Variants in NCAPD2 observed in about 807,000 individuals in gnomAD.
NCAPD2 encodes non-SMC condensin I complex subunit D2, also known as condensin complex subunit 1.
Under a neutral mutation model 164.5 loss-of-function variants are expected in NCAPD2, and 100 were observed. The observed-to-expected ratio is 0.61, with a 90% CI of 0.52 to 0.72. The LOEUF is 0.72. Ranked by LOEUF, NCAPD2 falls within the 30% of genes least tolerant of loss-of-function variation. The pLI is 0.00. For missense variants in NCAPD2, 1,560 were observed against 1,749.2 expected, an observed-to-expected ratio of 0.89 and a Z score of 1.93; for synonymous variants, 585 against 642.6, an observed-to-expected ratio of 0.91 and a Z score of 1.36.
In NCAPD2 at chr12:6,531,223, A is replaced by T; in HGVS notation, c.4121-104A>T. On this transcript the variant is annotated intron_variant, in intron 31 of 31. Coordinates refer to ENST00000315579, the MANE Select transcript of NCAPD2 (RefSeq NM_014865.4). This position sits in a 1 kb window ranked among gnomAD's most constrained non-coding sequence, Gnocchi z 4.1. ...GCCTCTCCTGTACAGCTTGGATTTT[A>T]TTTCTTCTGTGCGGTGTGGGATTGT... is the stretch of plus-strand genomic sequence containing the variant. 6.7e-7 allele frequency: 1 copy of T among 1,481,766 alleles called. No homozygotes were observed. The highest frequency in any genetic ancestry group is 9.3e-7 in the Non-Finnish European group (1 of 1,079,638). 91.8% of individuals were successfully genotyped at this position (1,481,766 alleles called of 1,614,324 possible).
intron 2 of NCAPD2, among the ~76,000 whole-genome samples, chr12:6,507,927 C>G (rs979138774): frequency 6.6e-6 from 1 of 152,048 alleles, no homozygotes; most frequent in Non-Finnish European, 1.5e-5. Context: ...GAAGAGAAAC[C>G]TCATCATATC....
intron 17 of NCAPD2, 109 bp downstream of exon 17, chr12:6,523,455 T>C: frequency 1.1e-6 from 1 of 902,386 alleles, no homozygotes. Flanking sequence ...TGGAGTGCAA[T>C]GGCACAATCT....
chr12:6,517,928 A>C lies in NCAPD2; in HGVS notation c.1558A>C (p.Ile520Leu), dbSNP rs756811614. The change falls in exon 13 of 32, where the codon ATC becomes CTC. Residue 520 changes from isoleucine to leucine, a missense_variant. Coordinates refer to ENST00000315579, the MANE Select transcript of NCAPD2 (RefSeq NM_014865.4). ...TETTEDVKGR[I>L]YQLLAKASYK... ...GACAACTGAAGATGTGAAAGGACGCATCTATCAACTGCTTGCCAAAGCTAG... is the reference window on the plus strand; with the variant it reads ...GACAACTGAAGATGTGAAAGGACGCCTCTATCAACTGCTTGCCAAAGCTAG... 1.2e-6 allele frequency: 2 copies of C among 1,614,040 alleles called. No homozygotes were observed.
In NCAPD2 at chr12:6,514,774, G is replaced by A; in HGVS notation, c.841G>A (p.Glu281Lys). The change falls in exon 9 of 32, where the codon GAG becomes AAG. Residue 281 changes from glutamate to lysine, a missense_variant and splice_region_variant. Transcript: ENST00000315579. The stretch of plus-strand genomic sequence containing the variant: ...GGCTGTGTTTTCTTCCCTGTGTAGA[G>A]AGATTGGACAAAAGTGTCCCCAAGA... ...MKSIVGEIVR[E>K]IGQKCPQELS... is the part of the protein sequence containing the mutation. 1 of 1,614,144 alleles carries A rather than the reference G, an allele frequency of 6.2e-7. No individual in the cohort carries two copies. Among genetic ancestry groups the A allele is most frequent in the Non-Finnish European group, 8.5e-7 (1 of 1,180,010 alleles).
At position 6,505,133 on chromosome 12, in the gene NCAPD2, T is replaced by C. The variant is rs1056168318; in HGVS notation, c.128-4584T>C. On this transcript the variant is annotated intron_variant, in intron 2 of 31. Coordinates refer to ENST00000315579, the MANE Select transcript of NCAPD2 (RefSeq NM_014865.4). ...CAGGCTGGAGTGCAGTGGCATGATC[T>C]CGACTCACTGGAACCTCCGCCTCCC... Among the ~76,000 whole-genome samples, 8 of 152,176 alleles carry C rather than the reference T, an allele frequency of 5.3e-5. 1 individual carries two copies. In the East Asian group the frequency reaches 1.5e-3, roughly 29 times the overall value.
chr12:6,531,247 G>A lies in NCAPD2; in HGVS notation c.4121-80G>A, dbSNP rs1946370364. 2 of 1,509,570 alleles carry A rather than the reference G, an allele frequency of 1.3e-6. No individual in the cohort carries two copies. Among genetic ancestry groups the A allele is most frequent in the East Asian group, 4.5e-5 (2 of 44,126 alleles). The allele number at this position is 1,509,570 out of a possible 1,614,324, so 93.5% of individuals were successfully genotyped here. A position where few individuals can be genotyped will look rare whatever the true frequency, so the allele number is the denominator to read the frequency against. ...TATTTCTTCTGTGCGGTGTGGGATTGTCTCACTTGTTCTCTGATATCTATT... is the reference window on the plus strand; with the variant it reads ...TATTTCTTCTGTGCGGTGTGGGATTATCTCACTTGTTCTCTGATATCTATT... On this transcript the variant is annotated intron_variant, in intron 31 of 31. Transcript: ENST00000315579. The surrounding 1 kb of genome is among the most constrained non-coding windows in gnomAD (Gnocchi z 4.1).
At chr12:6,514,994 C>T in intron 9 of NCAPD2, 74 bp downstream of exon 9, 1 of 1,523,396 alleles carries the variant, frequency 6.6e-7, no homozygotes, top group Non-Finnish European at 9.0e-7. Flanking sequence ...TGTTTCTTAA[C>T]AGAACAAGAA....
intron 2 of NCAPD2, among the ~76,000 whole-genome samples, chr12:6,506,548 C>T (rs1036786396): frequency 2.0e-5 from 3 of 151,536 alleles, no homozygotes; most frequent in Admixed American, 2.0e-4. Flanking sequence ...CGAGATCGCA[C>T]CACTGCACTC....
At chr12:6,520,950 A>AT in intron 13 of NCAPD2, 36 bp from the exon 14 acceptor site, 1 of 1,612,896 alleles carries the variant, frequency 6.2e-7, no homozygotes, top group Admixed American at 1.7e-5. Context: ...CTGCAGTGAC[A>AT]TTCTTCTGGG....
chr12:6,516,324 AAATCCT>A (rs80351910), intron 9 of NCAPD2, among the ~76,000 whole-genome samples: 32,175 of 151,172 alleles, frequency 0.21, 3,599 homozygotes, highest in Non-Finnish European at 0.24. Flanking sequence ...CAATATGGTG[AAATCCT>A]GTCTCTACTA....
At chr12:6,523,564 G>GT (rs1295974193) in intron 17 of NCAPD2, among the ~76,000 whole-genome samples, 4 of 151,878 alleles carry the variant, frequency 2.6e-5, no homozygotes, top group African/African-American at 4.8e-5. Flanking sequence ...TGCCCGACTA[G>GT]TTTTTTGTAT....
rs1164972734 is a variant in NCAPD2 at position 6,525,696 on chromosome 12, G to A, written c.2328G>A (p.Met776Ile). The change falls in exon 18 of 32, where the codon ATG (methionine) becomes ATA (isoleucine). Residue 776 changes from methionine to isoleucine, a missense_variant. Coordinates refer to ENST00000315579, the MANE Select transcript of NCAPD2 (RefSeq NM_014865.4). ...CCPLERCSSV[M>I]LLGMMARGKP... ...CTCTGGAGCGCTGTTCCTCTGTCAT[G>A]CTTCTTGGCATGATGGCACGGTGAG... The A allele has an allele frequency of 6.2e-7, 1 of 1,613,644 alleles. No homozygotes were observed. Among genetic ancestry groups the A allele is most frequent in the Non-Finnish European group, 8.5e-7 (1 of 1,179,936 alleles).
intron 1 of NCAPD2, among the ~76,000 whole-genome samples, 166 bp from the exon 2 acceptor site, chr12:6,494,910 A>G (rs7971237): frequency 0.79 from 120,421 of 152,100 alleles, 48,445 homozygotes; most frequent in African/African-American, 0.95. Flanking sequence ...AAAACTAAAA[A>G]CCATTATATA....
intron 29 of NCAPD2, 74 bp downstream of exon 29, chr12:6,530,032 T>G: frequency 1.3e-6 from 2 of 1,507,098 alleles, no homozygotes; most frequent in Non-Finnish European, 1.8e-6. Flanking sequence ...CTGGGCAGCA[T>G]ACGGCTCTTG....
intron 6 of NCAPD2, among the ~76,000 whole-genome samples, chr12:6,511,843 G>T (rs1946150937): frequency 6.6e-6 from 1 of 151,986 alleles, no homozygotes; most frequent in Non-Finnish European, 1.5e-5. Flanking sequence ...AATTAGCTGT[G>T]CATGGTGGTG....
chr12:6,515,675 C>G (rs1565543103), intron 9 of NCAPD2, among the ~76,000 whole-genome samples: 1 of 152,214 alleles, frequency 6.6e-6, no homozygotes, highest in African/African-American at 2.4e-5. Flanking sequence ...ATGTCAAGGA[C>G]AAAGACAGTC....
rs1946184718 is a variant in NCAPD2, at chr12:6,514,914, T to G, written c.981T>G (p.Asp327Glu). ...SSMCILLDHL[D>E]GENYMMRNAV... ...TGTGCATTTTGCTAGATCACCTGGA[T>G]GGAGAAGTAGGTGGTCCACTAGGGG... Residue 327 changes from aspartate (D) to glutamate (E), a missense_variant, in exon 9 of 32, where the codon GAT becomes GAG. Coordinates refer to ENST00000315579, the MANE Select transcript of NCAPD2 (RefSeq NM_014865.4). The G allele has an allele frequency of 6.2e-7, 1 of 1,614,094 alleles. No homozygotes were observed. Among genetic ancestry groups the G allele is most frequent in the Non-Finnish European group, 8.5e-7 (1 of 1,180,038 alleles).
At chr12:6,506,361 G>T (rs148289409) in intron 2 of NCAPD2, among the ~76,000 whole-genome samples, 3,178 of 152,116 alleles carry the variant, frequency 0.021, 96 homozygotes, top group East Asian at 0.12. Flanking sequence ...GGCCAAAGTG[G>T]GCGGATCACG....
chr12:6,510,151 G>C lies in NCAPD2; in HGVS notation c.262+18G>C, dbSNP rs61759526. The C allele has an allele frequency of 1.9e-6, 3 of 1,592,168 alleles. No homozygotes were observed. The East Asian group carries it at 6.7e-5, about 36-fold the overall frequency. On this transcript the variant is annotated intron_variant, in intron 4 of 31. Coordinates refer to ENST00000315579, the MANE Select transcript of NCAPD2 (RefSeq NM_014865.4). ...GATAAAAGGTGTTTATGGGTCAGGGGGTAGGGGATGGAAGGTGTTTGTTAT... is the reference window on the plus strand; with the variant it reads ...GATAAAAGGTGTTTATGGGTCAGGGCGTAGGGGATGGAAGGTGTTTGTTAT...
Sources: allele counts gnomAD v4.1 joint callset (sites outside exome capture counted in the v4.1 genomes callset), GRCh38; gene constraint gnomAD v4.1.1; non-coding constraint Gnocchi (gnomAD v3.1); transcripts MANE v1.5; gene names NCBI Gene and HGNC (gene_info 2026-07-23, HGNC 2026-07-21).